Variants in MMP20 observed in about 807,000 individuals in gnomAD.
The protein encoded by MMP20 is matrix metalloproteinase-20.
In MMP20, 50 loss-of-function variants were observed where a neutral mutation model predicts 51.8. That is an observed-to-expected ratio of 0.97 (90% confidence interval 0.77 to 1.22). The LOEUF is 1.22. Ranked by LOEUF, MMP20 falls within the 50% of genes most tolerant of loss-of-function variation. MMP20 has a pLI of 0.00. For missense variants in MMP20, 663 were observed against 601.4 expected (o/e 1.10, Z -1.07); for synonymous variants, 244 against 216.2 (o/e 1.13, Z -1.13).
intron 1 of MMP20, among the ~76,000 whole-genome samples, chr11:102,624,293 C>A (rs1307107714): frequency 6.6e-6 from 1 of 152,110 alleles, no homozygotes; most frequent in Non-Finnish European, 1.5e-5. Flanking sequence ...TGTGCAAAAG[C>A]ATTTCCTCTA....
At chr11:102,610,589 T>C (rs542631267) in intron 3 of MMP20, among the ~76,000 whole-genome samples, 4 of 152,230 alleles carry the variant, frequency 2.6e-5, no homozygotes, top group African/African-American at 9.6e-5. Context: ...ATGAAAGTCA[T>C]AAAGGTGTTT....
In MMP20 at chr11:102,610,905, G is replaced by A. The variant is rs147195220; in HGVS notation, c.523+850C>T. The stretch of plus-strand genomic sequence containing the variant: ...TGGTTGGCTTGTGTATTAGGGGACA[G>A]ACTGTAAGCTTGAAAGATCAAGAGA... On this transcript the variant is annotated intron_variant, in intron 3 of 9. Coordinates refer to ENST00000260228, the MANE Select transcript of MMP20 (RefSeq NM_004771.4). Among the ~76,000 whole-genome samples, 1,023 of 152,250 alleles carry A rather than the reference G, an allele frequency of 6.7e-3. 14 individuals are homozygous for A. The highest frequency in any genetic ancestry group is 0.023 in the African/African-American group (973 of 41,516).
chr11:102,590,691 C>T (rs1477228409), intron 8 of MMP20, among the ~76,000 whole-genome samples: 1 of 152,220 alleles, frequency 6.6e-6, no homozygotes, highest in Non-Finnish European at 1.5e-5. Context: ...AACACACTTT[C>T]AGTGGATGTC....
chr11:102,591,625 GC>G (rs1859318352), intron 8 of MMP20, among the ~76,000 whole-genome samples: 1 of 152,102 alleles, frequency 6.6e-6, no homozygotes, highest in Admixed American at 6.6e-5. Context: ...AGAAAAATGA[GC>G]TTGTTAACAT....
intron 8 of MMP20, among the ~76,000 whole-genome samples, chr11:102,581,775 G>A (rs1396647360): frequency 6.6e-6 from 1 of 152,100 alleles, no homozygotes. Flanking sequence ...AAGGTGGATG[G>A]GACAATGAGA....
Position 102,595,728 on chromosome 11 carries a change from C to G in MMP20, c.954-971G>C, listed in dbSNP as rs150925871. ...TTAGCAATTCATCTATCCATTTACC[C>G]AATATTATAGTCATAAAATTGTGGC... On this transcript the variant is annotated intron_variant, in intron 6 of 9. Coordinates refer to ENST00000260228, the MANE Select transcript of MMP20 (RefSeq NM_004771.4). Among the ~76,000 whole-genome samples, 750 of 152,258 alleles carry G rather than the reference C, an allele frequency of 4.9e-3. 3 individuals are homozygous for G. Among genetic ancestry groups the G allele is most frequent in the African/African-American group, 0.017 (703 of 41,546 alleles).
rs1859443857 is a variant in MMP20 at position 102,601,325 on chromosome 11, G to T, written c.953+5210C>A. ...TTTTTTGTATTTTTAGTAGAGACGGGGTTTCACCGTTTTAGCCGGGATGGT... is the reference window on the plus strand; with the variant it reads ...TTTTTTGTATTTTTAGTAGAGACGGTGTTTCACCGTTTTAGCCGGGATGGT... On this transcript the variant is annotated intron_variant, in intron 6 of 9. Transcript: ENST00000260228. 3.8e-5 allele frequency among the ~76,000 whole-genome samples: 2 copies of T among 52,548 alleles called. 1 individual carries two copies. The highest frequency in any genetic ancestry group is 2.0e-3 in the South Asian group (2 of 1,022). 34.5% of individuals were successfully genotyped at this position (52,548 alleles called of 152,430 possible).
chr11:102,581,796 A>C (rs974849803), intron 8 of MMP20, among the ~76,000 whole-genome samples: 6 of 152,186 alleles, frequency 3.9e-5, no homozygotes, highest in African/African-American at 1.4e-4. Flanking sequence ...GAATATGAGA[A>C]AACGCTCAGC....
chr11:102,609,787 T>A, intron 4 of MMP20, 118 bp downstream of exon 4: 1 of 1,471,892 alleles, frequency 6.8e-7, no homozygotes, highest in East Asian at 2.3e-5. Context: ...TTACTTGTTT[T>A]TCCTAGCCAG....
chr11:102,596,626 G>A (rs140411048), intron 6 of MMP20, among the ~76,000 whole-genome samples: 1,536 of 152,270 alleles, frequency 0.01, 13 homozygotes, highest in Non-Finnish European at 0.016. Flanking sequence ...TATCTAAAGC[G>A]TATGTTTTAA....
At chr11:102,586,757 C>CA (rs1161699018) in intron 8 of MMP20, among the ~76,000 whole-genome samples, 1 of 151,780 alleles carries the variant, frequency 6.6e-6, no homozygotes, top group Non-Finnish European at 1.5e-5. Context: ...GCGGAGCTTG[C>CA]AGTGAGCCGA....
intron 2 of MMP20, among the ~76,000 whole-genome samples, chr11:102,613,188 A>C (rs911147742): frequency 6.6e-6 from 1 of 152,210 alleles, no homozygotes; most frequent in Non-Finnish European, 1.5e-5. Context: ...GGGTGGAGTC[A>C]GAGTTGGTGA....
intron 6 of MMP20, 151 bp downstream of exon 6, chr11:102,606,384 C>G: frequency 1.9e-6 from 2 of 1,048,778 alleles, no homozygotes; most frequent in Non-Finnish European, 2.9e-6. Context: ...CTCTATCTCC[C>G]CCAAAGACCC....
intron 7 of MMP20, among the ~76,000 whole-genome samples, chr11:102,593,971 C>A (rs1041059306): frequency 1.3e-5 from 2 of 152,216 alleles, no homozygotes; most frequent in Admixed American, 6.5e-5. Context: ...TGCTTTCTAA[C>A]CTTATCCCTC....
intron 8 of MMP20, chr11:102,583,588 T>C (rs753417744): frequency 6.6e-6 from 1 of 152,206 alleles, no homozygotes; most frequent in Non-Finnish European, 1.5e-5. Context: ...TCTAGGTTTG[T>C]GTAAGTACAC....
intron 1 of MMP20, among the ~76,000 whole-genome samples, chr11:102,620,053 C>A (rs886923375): frequency 2.0e-5 from 3 of 152,262 alleles, no homozygotes; most frequent in Admixed American, 1.3e-4. Flanking sequence ...TGTCTCATTG[C>A]ACCATAAACC....
At chr11:102,597,459 C>T (rs1591614065) in intron 6 of MMP20, among the ~76,000 whole-genome samples, 2 of 152,298 alleles carry the variant, frequency 1.3e-5, no homozygotes, top group Middle Eastern at 3.4e-3. Flanking sequence ...TTGAAGTAGT[C>T]ATTGTAAATC....
chr11:102,598,159 A>T (rs753196085), intron 6 of MMP20, among the ~76,000 whole-genome samples: 9 of 152,246 alleles, frequency 5.9e-5, no homozygotes, highest in Middle Eastern at 3.2e-3. Flanking sequence ...AAACAGTAAC[A>T]TACTCAGACA....
At chr11:102,582,573 C>T (rs1249047028) in intron 8 of MMP20, among the ~76,000 whole-genome samples, 2 of 152,004 alleles carry the variant, frequency 1.3e-5, no homozygotes, top group Admixed American at 6.6e-5. Context: ...GGACAGTGAT[C>T]GGGAATGAAG....
Sources: gnomAD v4.1 joint callset for allele counts (sites outside exome capture counted in the v4.1 genomes callset) on GRCh38, gnomAD v4.1.1 for gene constraint, MANE v1.5 for transcripts, NCBI Gene and HGNC (gene_info 2026-07-23, HGNC 2026-07-21) for gene names.